The following SGCZ variants were observed in gnomAD, a reference collection of about 807,000 sequenced individuals.
SGCZ encodes sarcoglycan zeta, also known as zeta-sarcoglycan.
SGCZ carries 40 observed loss-of-function variants against 41.3 expected under a neutral mutation model. That is an observed-to-expected ratio of 0.97 (90% CI 0.75 to 1.26). SGCZ has a LOEUF of 1.26. Ranked by LOEUF, SGCZ falls within the 50% of genes most tolerant of loss-of-function variation. SGCZ has a pLI of 0.00. For missense variants in SGCZ, 552 were observed against 369.8 expected, an observed-to-expected ratio of 1.49 and a Z score of -4.04; for synonymous variants, 206 against 137.5, an observed-to-expected ratio of 1.50 and a Z score of -3.49.
intron 1 of SGCZ, among the ~76,000 whole-genome samples, chr8:14,626,084 G>A (rs1206089830): frequency 6.6e-6 from 1 of 152,158 alleles, no homozygotes; most frequent in East Asian, 1.9e-4. Flanking sequence ...TCCACAAAAT[G>A]TCAAATGATT....
chr8:14,770,159 C>CAAT (rs1800188428), intron 1 of SGCZ, among the ~76,000 whole-genome samples: 1 of 149,450 alleles, frequency 6.7e-6, no homozygotes, highest in African/African-American at 2.4e-5. Context: ...ATATATTTAA[C>CAAT]AGATATTCAC....
At chr8:14,599,167 C>G (rs148443476) in intron 1 of SGCZ, among the ~76,000 whole-genome samples, 1 of 152,260 alleles carries the variant, frequency 6.6e-6, no homozygotes, top group Non-Finnish European at 1.5e-5. Flanking sequence ...TGACCTCTGT[C>G]TCTTATCTCT....
chr8:15,157,611 T>G (rs902080029), intron 1 of SGCZ, among the ~76,000 whole-genome samples: 1 of 152,178 alleles, frequency 6.6e-6, no homozygotes, highest in Admixed American at 6.5e-5. Flanking sequence ...ATGTCCTGGT[T>G]CTACTAGGCT....
At chr8:15,110,694 C>T (rs1239456721) in intron 1 of SGCZ, among the ~76,000 whole-genome samples, 1 of 152,144 alleles carries the variant, frequency 6.6e-6, no homozygotes, top group East Asian at 1.9e-4. Flanking sequence ...AGAGGCCAGG[C>T]GTGGTGGCTC....
intron 1 of SGCZ, among the ~76,000 whole-genome samples, chr8:14,743,892 C>G (rs928116804): frequency 1.3e-5 from 2 of 151,944 alleles, no homozygotes; most frequent in African/African-American, 4.8e-5. Context: ...GATTAAATCC[C>G]GTGGAGAATT....
chr8:14,155,100 G>A (rs547498354), intron 5 of SGCZ, among the ~76,000 whole-genome samples: 3 of 152,262 alleles, frequency 2.0e-5, no homozygotes, highest in South Asian at 2.1e-4. Context: ...TTCCAGTAAC[G>A]CACTCTGTAG....
chr8:14,768,450 A>G (rs1800115013), intron 1 of SGCZ, among the ~76,000 whole-genome samples: 1 of 152,230 alleles, frequency 6.6e-6, no homozygotes, highest in Non-Finnish European at 1.5e-5. Flanking sequence ...ACTGTGGGGA[A>G]TAACAATAGA....
At chr8:14,258,102 G>T (rs1300607902) in intron 3 of SGCZ, among the ~76,000 whole-genome samples, 1 of 152,104 alleles carries the variant, frequency 6.6e-6, no homozygotes, top group Non-Finnish European at 1.5e-5. Context: ...TTATTCAAAA[G>T]AAGTGTCATT....
chr8:14,863,558 T>G (rs1282426163), intron 1 of SGCZ, among the ~76,000 whole-genome samples: 2 of 152,228 alleles, frequency 1.3e-5, no homozygotes, highest in East Asian at 3.9e-4. Flanking sequence ...GAAGATAAAA[T>G]GAACACTGAC....
At chr8:14,339,816 T>C (rs566836560) in intron 2 of SGCZ, among the ~76,000 whole-genome samples, 1 of 152,146 alleles carries the variant, frequency 6.6e-6, no homozygotes, top group South Asian at 2.1e-4. Context: ...TTAAAATATG[T>C]GCATAAAATT....
At chr8:15,157,914 C>T (rs1351084626) in intron 1 of SGCZ, among the ~76,000 whole-genome samples, 1 of 152,188 alleles carries the variant, frequency 6.6e-6, no homozygotes, top group African/African-American at 2.4e-5. Flanking sequence ...GTTGTTCCTC[C>T]TTCTCAGGCC....
intron 1 of SGCZ, among the ~76,000 whole-genome samples, chr8:14,614,656 T>C (rs189068759): frequency 1.3e-5 from 2 of 152,232 alleles, no homozygotes; most frequent in East Asian, 1.9e-4. Flanking sequence ...CAACAGTTCA[T>C]AGTTGGAGTT....
intron 1 of SGCZ, among the ~76,000 whole-genome samples, chr8:14,724,336 AT>A (rs1338567073): frequency 5.9e-5 from 9 of 151,702 alleles, no homozygotes; most frequent in African/African-American, 2.2e-4. Context: ...TGTTCTAATT[AT>A]TTTTTTCCTA....
intron 2 of SGCZ, among the ~76,000 whole-genome samples, chr8:14,500,328 C>G (rs1420499088): frequency 6.6e-6 from 1 of 151,980 alleles, no homozygotes; most frequent in African/African-American, 2.4e-5. Flanking sequence ...GTCAGAAAAG[C>G]ATTGCTTTTG....
chr8:14,942,764 C>A (rs936904679), intron 1 of SGCZ, among the ~76,000 whole-genome samples: 2 of 152,008 alleles, frequency 1.3e-5, no homozygotes, highest in African/African-American at 2.4e-5. Context: ...TGTTGAGAAC[C>A]ATTTTCCCTC....
intron 1 of SGCZ, among the ~76,000 whole-genome samples, chr8:14,824,668 T>C (rs755878354): frequency 6.6e-6 from 1 of 152,018 alleles, no homozygotes; most frequent in Non-Finnish European, 1.5e-5. Context: ...TATGAATTAA[T>C]CCTAAAATCC....
chr8:14,831,555 T>C (rs946998914), intron 1 of SGCZ, among the ~76,000 whole-genome samples: 2 of 152,128 alleles, frequency 1.3e-5, no homozygotes, highest in East Asian at 3.9e-4. Context: ...GGGAAACATG[T>C]TCAACTTCAT....
At chr8:14,591,730 T>C (rs1394947848) in intron 1 of SGCZ, among the ~76,000 whole-genome samples, 1 of 152,180 alleles carries the variant, frequency 6.6e-6, no homozygotes, top group African/African-American at 2.4e-5. Context: ...ATTTTAATGC[T>C]TGAAAGTTAA....
chr8:14,704,364 A>G (rs1809262332), intron 1 of SGCZ, among the ~76,000 whole-genome samples: 1 of 152,000 alleles, frequency 6.6e-6, no homozygotes, highest in Non-Finnish European at 1.5e-5. Context: ...TAACTAACTC[A>G]CACATGTATG....
Sources: allele counts gnomAD v4.1 joint callset (sites outside exome capture counted in the v4.1 genomes callset), GRCh38; gene constraint gnomAD v4.1.1; transcripts MANE v1.5; gene names NCBI Gene and HGNC (gene_info 2026-07-23, HGNC 2026-07-21).